Variants in NKAIN2 observed in about 807,000 individuals in gnomAD.
The protein encoded by NKAIN2 is sodium/potassium-transporting ATPase subunit beta-1-interacting protein 2.
NKAIN2 carries 14 observed loss-of-function variants against 32.6 expected under a neutral mutation model. The ratio of observed to expected loss-of-function variants is 0.43; its 90% confidence interval spans 0.28 to 0.67. The LOEUF (loss-of-function observed/expected upper bound fraction) is 0.67. Among genes scored for constraint, NKAIN2 ranks in the 30% least tolerant of loss-of-function variants. The probability of loss-of-function intolerance (pLI) is 0.17; values close to 1 mark genes in which losing one functional copy is unlikely to be tolerated. For missense variants in NKAIN2, 198 were observed against 258.3 expected (o/e 0.77, Z 1.60); for synonymous variants, 80 against 87.2 (o/e 0.92, Z 0.46).
chr6:124,356,903 A>G (rs1711891968), intron 3 of NKAIN2, among the ~76,000 whole-genome samples: 1 of 152,200 alleles, frequency 6.6e-6, no homozygotes, highest in South Asian at 2.1e-4. Flanking sequence ...GCCTGAGTAA[A>G]ATGATCCAGC....
At chr6:124,728,854 A>G (rs1426199075) in intron 4 of NKAIN2, among the ~76,000 whole-genome samples, 1 of 151,806 alleles carries the variant, frequency 6.6e-6, no homozygotes, top group African/African-American at 2.4e-5. Flanking sequence ...TAATAGACGC[A>G]ATAAAAAATG....
chr6:124,452,915 C>T (rs1776165977), intron 3 of NKAIN2, among the ~76,000 whole-genome samples: 1 of 151,978 alleles, frequency 6.6e-6, no homozygotes, highest in African/African-American at 2.4e-5. Flanking sequence ...AAGGTTTTAA[C>T]CACAATTAGT....
At chr6:123,951,223 G>A (rs187852136) in intron 1 of NKAIN2, among the ~76,000 whole-genome samples, 11 of 152,128 alleles carry the variant, frequency 7.2e-5, no homozygotes, top group Admixed American at 3.9e-4. Context: ...TGAGAAAAAT[G>A]TGTGTTCTGT....
At chr6:124,393,773 C>T (rs1253814699) in intron 3 of NKAIN2, among the ~76,000 whole-genome samples, 2 of 152,136 alleles carry the variant, frequency 1.3e-5, no homozygotes, top group African/African-American at 4.8e-5. Context: ...TATAAATATA[C>T]TTGTATGACC....
At chr6:124,210,421 G>T (rs1791112283) in intron 1 of NKAIN2, among the ~76,000 whole-genome samples, 1 of 151,756 alleles carries the variant, frequency 6.6e-6, no homozygotes, top group Admixed American at 6.6e-5. Flanking sequence ...GGCTAGTCTA[G>T]GTCTTTTGTG....
chr6:123,950,253 T>TTGTG (rs149468059), intron 1 of NKAIN2, among the ~76,000 whole-genome samples: 1 of 151,618 alleles, frequency 6.6e-6, no homozygotes, highest in African/African-American at 2.4e-5. Context: ...TAGTTTTAAT[T>TTGTG]TGTGTGTGTG....
chr6:124,559,913 A>G (rs1780626684), intron 3 of NKAIN2, among the ~76,000 whole-genome samples: 1 of 141,690 alleles, frequency 7.1e-6, no homozygotes, highest in African/African-American at 2.7e-5. Context: ...GATAACCTAG[A>G]CTATTCTGAC....
At chr6:124,061,680 C>G (rs1003720231) in intron 1 of NKAIN2, among the ~76,000 whole-genome samples, 1 of 151,784 alleles carries the variant, frequency 6.6e-6, no homozygotes, top group Non-Finnish European at 1.5e-5. Context: ...CCCCTAAGCA[C>G]TGTCTGTTTT....
chr6:124,178,997 T>C lies in NKAIN2; in HGVS notation c.55-104008T>C, dbSNP rs911768927. On this transcript the variant is annotated intron_variant, in intron 1 of 6. Transcript: ENST00000368417. ...ATGTTGGTCATGGAGCACAGTGAAT[T>C]TGGTAATTATTGACCCAACACAGGT... is the stretch of plus-strand genomic sequence containing the variant. 2.6e-5 allele frequency among the ~76,000 whole-genome samples: 4 copies of C among 152,196 alleles called. No homozygotes were observed. The East Asian group carries it at 5.8e-4, about 22-fold the overall frequency.
chr6:124,761,659 G>A (rs184369249), intron 4 of NKAIN2, among the ~76,000 whole-genome samples: 131 of 151,990 alleles, frequency 8.6e-4, no homozygotes, highest in African/African-American at 3.0e-3. Flanking sequence ...TCCTTACTAC[G>A]TTTTCTTTGA....
At chr6:124,718,894 G>C (rs187292583) in intron 4 of NKAIN2, among the ~76,000 whole-genome samples, 1 of 151,728 alleles carries the variant, frequency 6.6e-6, no homozygotes, top group East Asian at 2.0e-4. Context: ...AAAAATCCAG[G>C]TAAAATTTGA....
intron 1 of NKAIN2, among the ~76,000 whole-genome samples, chr6:123,935,716 CTT>C (rs1776471419): frequency 6.6e-6 from 1 of 151,936 alleles, no homozygotes; most frequent in Non-Finnish European, 1.5e-5. Context: ...GATAAAAGGT[CTT>C]TAAGTTCTAA....
intron 3 of NKAIN2, among the ~76,000 whole-genome samples, chr6:124,424,853 A>G (rs181542684): frequency 6.6e-5 from 10 of 152,286 alleles, no homozygotes; most frequent in African/African-American, 2.4e-4. Context: ...ATTGTGAATA[A>G]TACTGCAATG....
At chr6:123,922,572 G>C (rs118119447) in intron 1 of NKAIN2, among the ~76,000 whole-genome samples, 1 of 151,964 alleles carries the variant, frequency 6.6e-6, no homozygotes, top group Non-Finnish European at 1.5e-5. Flanking sequence ...TATAGATTTT[G>C]GTCAGTTTTG....
chr6:124,140,353 T>C (rs1256932560), intron 1 of NKAIN2, among the ~76,000 whole-genome samples: 2 of 152,204 alleles, frequency 1.3e-5, no homozygotes, highest in Non-Finnish European at 2.9e-5. Context: ...TGTTTATTCA[T>C]TTTAAAAGTT....
chr6:124,024,456 A>G (rs1453309007), intron 1 of NKAIN2, among the ~76,000 whole-genome samples: 1 of 152,182 alleles, frequency 6.6e-6, no homozygotes, highest in East Asian at 1.9e-4. Flanking sequence ...CACGTTGGAG[A>G]ATACATTTTT....
intron 4 of NKAIN2, among the ~76,000 whole-genome samples, chr6:124,685,424 A>C (rs1236400978): frequency 6.6e-6 from 1 of 152,224 alleles, no homozygotes; most frequent in Non-Finnish European, 1.5e-5. Context: ...ACTGACCACT[A>C]ACAATTTGCC....
At chr6:124,511,101 T>C (rs7774912) in intron 3 of NKAIN2, among the ~76,000 whole-genome samples, 2,230 of 152,192 alleles carry the variant, frequency 0.015, 55 homozygotes, top group African/African-American at 0.051. Context: ...AGTAATATGA[T>C]TGAAAAAAAC....
intron 3 of NKAIN2, among the ~76,000 whole-genome samples, chr6:124,532,425 C>T (rs1333137606): frequency 6.6e-6 from 1 of 152,164 alleles, no homozygotes; most frequent in Non-Finnish European, 1.5e-5. Context: ...AGAGGTCCCC[C>T]AACCTCCCCC....
Sources: gnomAD v4.1 joint callset for allele counts (sites outside exome capture counted in the v4.1 genomes callset) on GRCh38, gnomAD v4.1.1 for gene constraint, MANE v1.5 for transcripts, NCBI Gene and HGNC (gene_info 2026-07-23, HGNC 2026-07-21) for gene names.